The following SAMD12 variants were observed in gnomAD, a reference collection of about 807,000 sequenced individuals.
SAMD12 encodes the protein sterile alpha motif domain-containing protein 12.
A neutral mutation model predicts 15.0 loss-of-function variants in SAMD12; 9 were observed. The observed-to-expected ratio is 0.60, with a 90% CI of 0.36 to 1.05. SAMD12 has a LOEUF of 1.05. Ranked by LOEUF, SAMD12 falls within the 50% of genes least tolerant of loss-of-function variation. The pLI is 0.01. For synonymous variants in SAMD12, 86 were observed against 90.1 expected (o/e 0.96, Z 0.25); for missense variants, 230 against 234.2 (o/e 0.98, Z 0.12).
At chr8:118,414,876 G>A (rs111522708) in intron 3 of SAMD12, among the ~76,000 whole-genome samples, 47 of 150,296 alleles carry the variant, frequency 3.1e-4, no homozygotes, top group Admixed American at 1.1e-3. Context: ...TAATACTGAA[G>A]CTGATTAATT....
At chr8:118,471,303 A>C (rs1166483726) in intron 2 of SAMD12, among the ~76,000 whole-genome samples, 1 of 152,204 alleles carries the variant, frequency 6.6e-6, no homozygotes, top group Non-Finnish European at 1.5e-5. Context: ...TTTGATATAC[A>C]AATTATTCAA....
chr8:118,439,713 TA>T, intron 3 of SAMD12, 118 bp downstream of exon 3: 1 of 944,398 alleles, frequency 1.1e-6, no homozygotes, highest in Non-Finnish European at 1.7e-6. Flanking sequence ...CCTTTGGAAG[TA>T]AACCCATGCC....
At chr8:118,553,832 A>C (rs1259126280) in intron 2 of SAMD12, among the ~76,000 whole-genome samples, 4 of 148,502 alleles carry the variant, frequency 2.7e-5, no homozygotes, top group Admixed American at 1.3e-4. Flanking sequence ...AAACAAATTT[A>C]CAAGAAAAAA....
intron 1 of SAMD12, among the ~76,000 whole-genome samples, chr8:118,585,662 G>C (rs1176220815): frequency 6.6e-6 from 1 of 152,058 alleles, no homozygotes; most frequent in Non-Finnish European, 1.5e-5. Context: ...TCAAAAGTAT[G>C]AGGTTACTTC....
At chr8:118,172,802 C>T in the SAMD12 span, among the ~76,000 whole-genome samples, 1 of 152,082 alleles carries the variant, frequency 6.6e-6, no homozygotes, top group African/African-American at 2.4e-5. Context: ...TTTCTGTATA[C>T]AATATAGTTT....
intron 1 of SAMD12, among the ~76,000 whole-genome samples, chr8:118,614,397 G>C (rs1012334756): frequency 6.6e-6 from 1 of 152,172 alleles, no homozygotes; most frequent in African/African-American, 2.4e-5. Flanking sequence ...GGTCCTGTGC[G>C]GAGCTGGGGT....
chr8:118,255,553 G>T (rs1812918212), intron 4 of SAMD12, among the ~76,000 whole-genome samples: 1 of 126,900 alleles, frequency 7.9e-6, no homozygotes, highest in South Asian at 2.5e-4. Context: ...CCCTTCCTGT[G>T]TCCATGTGTT....
intron 1 of SAMD12, among the ~76,000 whole-genome samples, 199 bp from the exon 2 acceptor site, chr8:118,581,092 T>C (rs1286202698): frequency 1.3e-5 from 2 of 152,084 alleles, no homozygotes. Context: ...ATCAGCAAGA[T>C]TTAGGTACAA....
intron 1 of SAMD12, among the ~76,000 whole-genome samples, chr8:118,591,896 G>T (rs1307522017): frequency 6.6e-6 from 1 of 152,032 alleles, no homozygotes. Flanking sequence ...ATTTTGGGAG[G>T]GAAGAAGGAA....
chr8:118,148,454 G>A, the SAMD12 span, among the ~76,000 whole-genome samples: 4 of 152,068 alleles, frequency 2.6e-5, no homozygotes, highest in Non-Finnish European at 5.9e-5. Context: ...AAATATATAT[G>A]TTATGATTTT....
At chr8:118,182,970 C>T in the SAMD12 span, among the ~76,000 whole-genome samples, 13 of 152,218 alleles carry the variant, frequency 8.5e-5, no homozygotes, top group Non-Finnish European at 1.8e-4. Flanking sequence ...AATATCTTTA[C>T]TATAAACACC....
At chr8:118,492,074 G>T (rs545855997) in intron 2 of SAMD12, among the ~76,000 whole-genome samples, 2 of 149,502 alleles carry the variant, frequency 1.3e-5, no homozygotes, top group African/African-American at 2.5e-5. Context: ...ATTCTCACTC[G>T]CAATGTATGA....
chr8:118,539,613 G>A (rs1201290993), intron 2 of SAMD12, among the ~76,000 whole-genome samples: 1 of 152,196 alleles, frequency 6.6e-6, no homozygotes, highest in African/African-American at 2.4e-5. Context: ...ACAGGGTCCT[G>A]GGGAAGAACT....
intron 4 of SAMD12, among the ~76,000 whole-genome samples, chr8:118,317,364 G>A (rs1815971411): frequency 6.6e-6 from 1 of 152,122 alleles, no homozygotes. Flanking sequence ...AGTCAGAGTA[G>A]TCCCAAACTG....
rs35454734 is a variant in SAMD12 at position 118,359,003 on chromosome 8, C to CTGTGTGTGTGTGTGTGTG, written c.433+20539_433+20556dup. 2.7e-4 allele frequency among the ~76,000 whole-genome samples: 40 copies of CTGTGTGTGTGTGTGTGTG among 149,358 alleles called. 1 individual carries two copies. In the South Asian group the frequency reaches 2.8e-3, roughly 10 times the overall value. ...CATTGATACAGGGTATGGCATTAAACTGTGTGTGTGTGTGTGTGTGTGTAT... is the reference window on the plus strand; with the variant it reads ...CATTGATACAGGGTATGGCATTAAACTGTGTGTGTGTGTGTGTGTGTGTGTGTGTGTGTGTGTGTGTAT... On this transcript the variant is annotated intron_variant, in intron 4 of 4. Coordinates refer to the SAMD12 transcript ENST00000409003.
intron 2 of SAMD12, among the ~76,000 whole-genome samples, chr8:118,525,862 C>T (rs1231812993): frequency 6.6e-6 from 1 of 152,204 alleles, no homozygotes; most frequent in African/African-American, 2.4e-5. Context: ...ACTGTACATG[C>T]ATCTGCTAAC....
chr8:118,379,320 G>T lies in SAMD12; in HGVS notation c.*97C>A. ...CCATACAACTGTACGTGACCACCTT[G>T]AAGTTAGCTCAGGTAATTCTGTTTG... On this transcript the variant is annotated 3_prime_UTR_variant, in exon 4 of 4. Coordinates refer to ENST00000314727, the MANE Select transcript of SAMD12 (RefSeq NM_207506.3). The T allele has an allele frequency of 2.0e-6, 3 of 1,499,734 alleles. No homozygotes were observed. In the South Asian group the frequency reaches 4.0e-5, roughly 20 times the overall value. The allele number at this position is 1,499,734 out of a possible 1,614,324, so 92.9% of individuals were successfully genotyped here. A position where few individuals can be genotyped will look rare whatever the true frequency, so the allele number is the denominator to read the frequency against.
chr8:118,159,897 T>A, the SAMD12 span, among the ~76,000 whole-genome samples: 1 of 151,984 alleles, frequency 6.6e-6, no homozygotes, highest in Admixed American at 6.6e-5. Context: ...TTTTTGTATT[T>A]TTAGTAGAGA....
intron 3 of SAMD12, among the ~76,000 whole-genome samples, chr8:118,436,070 T>C (rs1270637980): frequency 6.6e-6 from 1 of 152,232 alleles, no homozygotes; most frequent in African/African-American, 2.4e-5. Context: ...AATTGCTCCC[T>C]AGAATCAAAG....
Sources: allele counts gnomAD v4.1 joint callset (sites outside exome capture counted in the v4.1 genomes callset), GRCh38; gene constraint gnomAD v4.1.1; transcripts MANE v1.5; gene names NCBI Gene and HGNC (gene_info 2026-07-23, HGNC 2026-07-21).